The following PTPRK variants were observed in gnomAD, a reference collection of about 807,000 sequenced individuals.
The protein encoded by PTPRK is protein tyrosine phosphatase receptor type K.
In PTPRK, 75 loss-of-function variants were observed where a neutral mutation model predicts 178.0. The observed-to-expected ratio is 0.42, with a 90% CI of 0.35 to 0.51. The LOEUF is 0.51. Ranked by LOEUF, PTPRK falls within the 20% of genes least tolerant of loss-of-function variation. The pLI is 0.02. For synonymous variants in PTPRK, 637 were observed against 620.6 expected, an observed-to-expected ratio of 1.03 and a Z score of -0.39; for missense variants, 1,441 against 1,797.8, an observed-to-expected ratio of 0.80 and a Z score of 3.59.
At chr6:128,067,902 G>T in intron 11 of PTPRK, 110 bp from the exon 12 acceptor site, 1 of 1,051,082 alleles carries the variant, frequency 9.5e-7, no homozygotes, top group Non-Finnish European at 1.3e-6. Context: ...ACATTTCAAA[G>T]TATTTAAAGT....
At chr6:128,053,176 AC>A (rs1779327569) in intron 13 of PTPRK, among the ~76,000 whole-genome samples, 1 of 144,926 alleles carries the variant, frequency 6.9e-6, no homozygotes. Context: ...ACACACACAC[AC>A]ACACACCCCT....
intron 3 of PTPRK, among the ~76,000 whole-genome samples, chr6:128,278,728 A>AGG (rs1821193044): frequency 1.3e-5 from 2 of 152,188 alleles, no homozygotes; most frequent in Non-Finnish European, 1.5e-5. Flanking sequence ...TAACTAACTA[A>AGG]TACTTCTCAA....
intron 13 of PTPRK, among the ~76,000 whole-genome samples, chr6:128,029,859 A>T (rs1350282816): frequency 6.6e-6 from 1 of 152,086 alleles, no homozygotes; most frequent in Non-Finnish European, 1.5e-5. Context: ...ACTCTCAAAA[A>T]TATCACTGCT....
chr6:128,020,644 A>G (rs1464832763), intron 13 of PTPRK, among the ~76,000 whole-genome samples: 1 of 152,240 alleles, frequency 6.6e-6, no homozygotes, highest in Non-Finnish European at 1.5e-5. Context: ...ACAAAATCAC[A>G]TTTGAATATT....
At chr6:128,389,056 T>C (rs890644006) in intron 2 of PTPRK, among the ~76,000 whole-genome samples, 1 of 152,152 alleles carries the variant, frequency 6.6e-6, no homozygotes, top group Non-Finnish European at 1.5e-5. Context: ...AGCGTCTTTT[T>C]AATCAGCATG....
At chr6:128,408,062 A>G (rs1841896528) in intron 1 of PTPRK, among the ~76,000 whole-genome samples, 2 of 152,220 alleles carry the variant, frequency 1.3e-5, no homozygotes, top group South Asian at 4.1e-4. Flanking sequence ...TGTGTTTCTG[A>G]CACGGACATC....
intron 7 of PTPRK, among the ~76,000 whole-genome samples, chr6:128,101,852 T>C (rs1386834309): frequency 6.6e-6 from 1 of 152,192 alleles, no homozygotes; most frequent in Non-Finnish European, 1.5e-5. Context: ...TCAGAATACA[T>C]TCCCCACTAT....
At chr6:128,346,361 T>C (rs1409448740) in intron 2 of PTPRK, among the ~76,000 whole-genome samples, 3 of 152,122 alleles carry the variant, frequency 2.0e-5, no homozygotes, top group Admixed American at 1.3e-4. Context: ...CTTTTTTGTG[T>C]GATCTTAAGT....
At chr6:128,353,004 T>C (rs1833401941) in intron 2 of PTPRK, among the ~76,000 whole-genome samples, 1 of 152,006 alleles carries the variant, frequency 6.6e-6, no homozygotes, top group Non-Finnish European at 1.5e-5. Flanking sequence ...ATACAGAACA[T>C]TAAAAATCTT....
intron 13 of PTPRK, among the ~76,000 whole-genome samples, chr6:128,037,043 ATTCT>A (rs1453894394): frequency 1.3e-5 from 2 of 152,006 alleles, no homozygotes; most frequent in East Asian, 3.9e-4. Context: ...TCCCTAACTC[ATTCT>A]TTTAGTTGTG....
intron 1 of PTPRK, among the ~76,000 whole-genome samples, chr6:128,507,861 G>T (rs892071852): frequency 1.1e-4 from 16 of 152,104 alleles, no homozygotes; most frequent in African/African-American, 3.9e-4. Flanking sequence ...AAACAAATGT[G>T]CTCTCTCCTC....
chr6:128,214,911 T>G (rs2128268717), intron 6 of PTPRK, among the ~76,000 whole-genome samples: 1 of 152,194 alleles, frequency 6.6e-6, no homozygotes, highest in South Asian at 2.1e-4. Context: ...CTGAGTAAGG[T>G]TAGGTAAAGT....
intron 2 of PTPRK, among the ~76,000 whole-genome samples, chr6:128,331,704 G>A (rs139330668): frequency 6.6e-6 from 1 of 152,242 alleles, no homozygotes; most frequent in African/African-American, 2.4e-5. Flanking sequence ...TTCTAAGACA[G>A]TATGAGGCAA....
At chr6:128,286,909 G>C (rs1482945576) in intron 3 of PTPRK, among the ~76,000 whole-genome samples, 1 of 152,148 alleles carries the variant, frequency 6.6e-6, no homozygotes, top group Admixed American at 6.5e-5. Flanking sequence ...AGGTTTTCTA[G>C]CCTGGCTGAT....
chr6:128,356,580 C>T (rs1165829179), intron 2 of PTPRK, among the ~76,000 whole-genome samples: 2 of 152,214 alleles, frequency 1.3e-5, no homozygotes, highest in Non-Finnish European at 2.9e-5. Context: ...TGCTACTTCT[C>T]TGATGACCCT....
chr6:128,139,211 T>C (rs954100549), intron 7 of PTPRK, among the ~76,000 whole-genome samples: 2 of 151,870 alleles, frequency 1.3e-5, no homozygotes, highest in Non-Finnish European at 2.9e-5. Flanking sequence ...ATGGAGAACA[T>C]TGGATGAAGA....
At chr6:128,423,496 T>TA (rs1843733175) in intron 1 of PTPRK, among the ~76,000 whole-genome samples, 1 of 149,924 alleles carries the variant, frequency 6.7e-6, no homozygotes, top group Non-Finnish European at 1.5e-5. Flanking sequence ...TAATGTATAA[T>TA]AGTAAAGACT....
At chr6:128,361,906 C>T (rs1410091225) in intron 2 of PTPRK, among the ~76,000 whole-genome samples, 1 of 152,016 alleles carries the variant, frequency 6.6e-6, no homozygotes, top group Non-Finnish European at 1.5e-5. Context: ...CCATAGTTTC[C>T]AGCTTATTCT....
chr6:128,057,229 T>C (rs1284749135), intron 13 of PTPRK, among the ~76,000 whole-genome samples: 1 of 152,220 alleles, frequency 6.6e-6, no homozygotes, highest in African/African-American at 2.4e-5. Flanking sequence ...CAAATATTCT[T>C]TTAACTAGCC....
Sources: gnomAD v4.1 joint callset for allele counts (sites outside exome capture counted in the v4.1 genomes callset) on GRCh38, gnomAD v4.1.1 for gene constraint, MANE v1.5 for transcripts, NCBI Gene and HGNC (gene_info 2026-07-23, HGNC 2026-07-21) for gene names.